CNTN5: variants seen among roughly 807,000 people sequenced by gnomAD.
The protein encoded by CNTN5 is contactin-5.
Under a neutral mutation model 129.1 loss-of-function variants are expected in CNTN5, and 77 were observed. That is an observed-to-expected ratio of 0.60 (90% CI 0.50 to 0.72). CNTN5 has a LOEUF of 0.72. Among genes scored for constraint, CNTN5 ranks in the 30% least tolerant of loss-of-function variants. CNTN5 has a pLI of 0.00. For missense variants in CNTN5, 1,478 were observed against 1,328.8 expected, an observed-to-expected ratio of 1.11 and a Z score of -1.75; for synonymous variants, 509 against 465.6, an observed-to-expected ratio of 1.09 and a Z score of -1.20.
intron 1 of CNTN5, among the ~76,000 whole-genome samples, chr11:99,267,337 A>G (rs183823915): frequency 4.6e-5 from 7 of 152,196 alleles, no homozygotes; most frequent in African/African-American, 1.4e-4. Context: ...AAATATTCTT[A>G]GAAATATGGA....
chr11:99,639,590 A>C (rs1327370646), intron 3 of CNTN5, among the ~76,000 whole-genome samples: 2 of 43,224 alleles, frequency 4.6e-5, no homozygotes, highest in Non-Finnish European at 8.5e-5. Context: ...TTTGAGACGG[A>C]GTTTTATCTT....
chr11:99,901,219 A>G (rs1267983226), intron 6 of CNTN5, among the ~76,000 whole-genome samples: 1 of 152,076 alleles, frequency 6.6e-6, no homozygotes, highest in East Asian at 1.9e-4. Flanking sequence ...TACTTTTTAA[A>G]TGTTTTGGGT....
In CNTN5 at chr11:99,819,699, G is replaced by A. The variant is rs746937022; in HGVS notation, c.211G>A (p.Gly71Arg). ...GAGTGCTTCTTCACCCAGCTGGCTA[G>A]GGGCAGCTCAGAATTATTATTCCCC... Reference protein sequence around the residue: ...TLSASSPSWLGAAQNYYSPIN... With the variant: ...TLSASSPSWLRAAQNYYSPIN... Residue 71 changes from glycine to arginine, a missense_variant, in exon 4 of 25, where the codon GGG (glycine) becomes AGG (arginine). Physicochemically the swap from Gly to Arg is moderately radical, Grantham distance 125. Transcript: ENST00000524871. 3.1e-6 allele frequency: 5 copies of A among 1,612,698 alleles called. No individual in the cohort carries two copies. In the South Asian group the frequency reaches 4.4e-5, roughly 14 times the overall value.
At chr11:99,692,137 T>C (rs375427903) in intron 3 of CNTN5, among the ~76,000 whole-genome samples, 2 of 152,288 alleles carry the variant, frequency 1.3e-5, no homozygotes, top group East Asian at 1.9e-4. Flanking sequence ...TGTGTGTCTT[T>C]GCATGTGAGA....
At chr11:99,219,663 T>A (rs1232292447) in intron 1 of CNTN5, among the ~76,000 whole-genome samples, 7 of 144,616 alleles carry the variant, frequency 4.8e-5, no homozygotes, top group Non-Finnish European at 6.1e-5. Flanking sequence ...TGAGTAAGAT[T>A]AAAAAAAAAA....
intron 1 of CNTN5, among the ~76,000 whole-genome samples, chr11:99,138,412 T>C (rs990439328): frequency 6.6e-6 from 1 of 152,136 alleles, no homozygotes; most frequent in Non-Finnish European, 1.5e-5. Flanking sequence ...TGGGAGTGAG[T>C]GATTTTTAAA....
At chr11:100,053,673 T>G (rs1052142215) in intron 9 of CNTN5, among the ~76,000 whole-genome samples, 1 of 151,616 alleles carries the variant, frequency 6.6e-6, no homozygotes, top group Admixed American at 6.6e-5. Flanking sequence ...TAAGTACTTA[T>G]ACAGTTGAAC....
intron 8 of CNTN5, among the ~76,000 whole-genome samples, chr11:99,969,048 A>G (rs1301516035): frequency 3.9e-5 from 6 of 152,118 alleles, no homozygotes; most frequent in Admixed American, 3.9e-4. Context: ...ATTTGCTCAC[A>G]TGTCCTTGGC....
chr11:99,329,021 C>T (rs1438760220), intron 2 of CNTN5, among the ~76,000 whole-genome samples: 1 of 152,014 alleles, frequency 6.6e-6, no homozygotes, highest in Non-Finnish European at 1.5e-5. Flanking sequence ...CAGCATTTAT[C>T]TCTATCTGCC....
chr11:100,105,573 A>G (rs1417120649), intron 13 of CNTN5, among the ~76,000 whole-genome samples: 1 of 152,154 alleles, frequency 6.6e-6, no homozygotes, highest in African/African-American at 2.4e-5. Context: ...GGAAGGAAGG[A>G]CCCATACGGT....
intron 2 of CNTN5, among the ~76,000 whole-genome samples, chr11:99,342,236 G>A (rs773400766): frequency 4.6e-5 from 7 of 151,918 alleles, no homozygotes; most frequent in Admixed American, 3.3e-4. Context: ...TCTAGTGTGT[G>A]TAATTTGACT....
At chr11:99,829,840 A>T (rs1947081611) in intron 4 of CNTN5, among the ~76,000 whole-genome samples, 2 of 152,188 alleles carry the variant, frequency 1.3e-5, no homozygotes, top group Non-Finnish European at 2.9e-5. Context: ...CTTATGAGTT[A>T]ACACCTCAGA....
intron 6 of CNTN5, among the ~76,000 whole-genome samples, chr11:99,879,593 G>GA (rs1177646180): frequency 6.6e-6 from 1 of 151,336 alleles, no homozygotes; most frequent in East Asian, 2.0e-4. Flanking sequence ...TTTGAGTTTG[G>GA]GTTTTTTTTC....
At chr11:99,028,503 C>G (rs1189797410) in intron 1 of CNTN5, among the ~76,000 whole-genome samples, 2 of 151,858 alleles carry the variant, frequency 1.3e-5, no homozygotes, top group Non-Finnish European at 3.0e-5. Flanking sequence ...CCTAATGAGT[C>G]TTTCCAGCTT....
At chr11:99,889,091 G>GA (rs2135894726) in intron 6 of CNTN5, among the ~76,000 whole-genome samples, 1 of 152,138 alleles carries the variant, frequency 6.6e-6, no homozygotes, top group Admixed American at 6.5e-5. Context: ...TAGAGAGCAG[G>GA]CAAAATGAAA....
At position 100,268,747 on chromosome 11, in the gene CNTN5, T is replaced by C. The variant is rs563930225; in HGVS notation, c.2165-2345T>C. 4.6e-5 allele frequency among the ~76,000 whole-genome samples: 7 copies of C among 152,258 alleles called. No homozygotes were observed. The South Asian group carries it at 6.2e-4, about 14-fold the overall frequency. ...ATCTTTCTGCCAAGATAAGTGGAGA[T>C]ATCAACATAGTTTGAAGTCATAGAT... On this transcript the variant is annotated intron_variant, in intron 17 of 24. Transcript: ENST00000524871.
chr11:99,179,732 T>G (rs968425871), intron 1 of CNTN5, among the ~76,000 whole-genome samples: 1 of 152,182 alleles, frequency 6.6e-6, no homozygotes, highest in Non-Finnish European at 1.5e-5. Context: ...TGTGTTTAAT[T>G]TCATGTTGCT....
At position 99,819,638 on chromosome 11, in the gene CNTN5, C is replaced by T. The variant is rs754089407; in HGVS notation, c.150C>T (p.Thr50=). 6 of 1,613,036 alleles carry T rather than the reference C, an allele frequency of 3.7e-6. No homozygotes were observed. The Admixed American group carries it at 6.7e-5, about 18-fold the overall frequency. The change falls in exon 4 of 25, where the codon ACC becomes ACT. Residue 50 remains threonine (T), a synonymous_variant. Coordinates refer to ENST00000524871, the MANE Select transcript of CNTN5 (RefSeq NM_014361.4). ...SSSSSLFGSK[T]RPRYSSPSLG... ...CTTCATCTCTCTTTGGTTCCAAAAC[C>T]AGACCACGATACAGCAGCCCTTCAT...
At chr11:99,406,555 C>A (rs1375741961) in intron 2 of CNTN5, among the ~76,000 whole-genome samples, 1 of 152,134 alleles carries the variant, frequency 6.6e-6, no homozygotes, top group Admixed American at 6.6e-5. Flanking sequence ...TACTCCCTAA[C>A]TACTGCCTAT....
Sources: gnomAD v4.1 joint callset for allele counts (sites outside exome capture counted in the v4.1 genomes callset) on GRCh38, gnomAD v4.1.1 for gene constraint, MANE v1.5 for transcripts, NCBI Gene and HGNC (gene_info 2026-07-23, HGNC 2026-07-21) for gene names.